SLC38A8: variants seen among roughly 807,000 people sequenced by gnomAD.
The protein encoded by SLC38A8 is amino acid transporter SLC38A8.
In SLC38A8, 65 loss-of-function variants were observed where a neutral mutation model predicts 46.0. That is an observed-to-expected ratio of 1.41 (90% CI 1.16 to 1.74). The LOEUF is 1.74. Ranked by LOEUF, SLC38A8 falls within the 40% of genes most tolerant of loss-of-function variation. The pLI is 0.00. For synonymous variants in SLC38A8, 447 were observed against 243.7 expected (o/e 1.83, Z -7.77); for missense variants, 998 against 567.9 (o/e 1.76, Z -7.70).
chr16:84,041,959 G>T lies in SLC38A8; in HGVS notation c.189+10C>A, dbSNP rs372831697. ...TACCCGTCCCCAGGACTCACTTCCCGGGGACTTACCAGCTCCACCAGGAAG... is the reference window on the plus strand; with the variant it reads ...TACCCGTCCCCAGGACTCACTTCCCTGGGACTTACCAGCTCCACCAGGAAG... On this transcript the variant is annotated intron_variant, in intron 2 of 10. Transcript: ENST00000299709. The T allele has an allele frequency of 1.3e-6, 2 of 1,572,162 alleles. No homozygotes were observed. Among genetic ancestry groups the T allele is most frequent in the African/African-American group, 2.7e-5 (2 of 73,538 alleles).
intron 3 of SLC38A8, among the ~76,000 whole-genome samples, chr16:84,033,700 C>T (rs1277307708): frequency 6.6e-6 from 1 of 152,196 alleles, no homozygotes; most frequent in African/African-American, 2.4e-5. Context: ...TCCCCAAGCC[C>T]AGCACTGCTC....
rs189913644 is a variant in SLC38A8, at chr16:84,021,334, C to T, written c.805+1441G>A. 9.2e-4 allele frequency among the ~76,000 whole-genome samples: 140 copies of T among 152,232 alleles called. 1 individual carries two copies. Among genetic ancestry groups the T allele is most frequent in the African/African-American group, 3.0e-3 (125 of 41,548 alleles). On this transcript the variant is annotated intron_variant, in intron 7 of 10. Transcript: ENST00000299709. Reference sequence around the variant, plus strand: ...CCTGCCTCGGCCTCCCAAAGTGCTGCGATGACAGGAGTGAGCCACGGCACC... The same window carrying T: ...CCTGCCTCGGCCTCCCAAAGTGCTGTGATGACAGGAGTGAGCCACGGCACC...
intron 7 of SLC38A8, among the ~76,000 whole-genome samples, chr16:84,022,089 G>C (rs567569772): frequency 6.6e-6 from 1 of 152,128 alleles, no homozygotes; most frequent in Admixed American, 6.5e-5. Flanking sequence ...ACCACATCAG[G>C]GATTAAATTT....
intron 6 of SLC38A8, among the ~76,000 whole-genome samples, chr16:84,025,822 C>G (rs1015580463): frequency 6.6e-6 from 1 of 152,262 alleles, no homozygotes; most frequent in Non-Finnish European, 1.5e-5. Flanking sequence ...CACAGCCCTT[C>G]CGCTGGCGCG....
At chr16:84,037,201 G>T (rs144173242) in intron 2 of SLC38A8, among the ~76,000 whole-genome samples, 2 of 152,348 alleles carry the variant, frequency 1.3e-5, no homozygotes, top group African/African-American at 4.8e-5. Context: ...CAGAAACCCA[G>T]TGTTTAAGTT....
At chr16:84,017,432 C>A in intron 7 of SLC38A8, 145 bp from the exon 8 acceptor site, 1 of 923,892 alleles carries the variant, frequency 1.1e-6, no homozygotes, top group Non-Finnish European at 1.6e-6. Context: ...TAGCCCAAAG[C>A]TTTCCTGTCC....
rs778211104 is a variant in SLC38A8 at position 84,031,931 on chromosome 16, C to G, written c.568G>C (p.Val190Leu). 1.2e-6 allele frequency: 2 copies of G among 1,614,188 alleles called. No homozygotes were observed. The highest frequency in any genetic ancestry group is 2.2e-5 in the South Asian group (2 of 91,084). Residue 190 changes from valine (V) to leucine (L), a missense_variant, in exon 5 of 11, where the codon GTC becomes CTC. Coordinates refer to ENST00000299709, the MANE Select transcript of SLC38A8 (RefSeq NM_001080442.3). ...GTLAACYLAL[V>L]ITVQYYLWPQ... ...CAGAGGTAGTACTGCACGGTGATGA[C>G]CAGGGCCAGGTAACAGGCAGCCAGA... is the stretch of plus-strand genomic sequence containing the variant.
At chr16:84,030,443 C>A (rs1399610020) in intron 5 of SLC38A8, among the ~76,000 whole-genome samples, 1 of 152,058 alleles carries the variant, frequency 6.6e-6, no homozygotes, top group Non-Finnish European at 1.5e-5. Context: ...CATGTCTGGG[C>A]CAACGTCAGC....
At chr16:84,034,761 G>A (rs577520349) in intron 3 of SLC38A8, among the ~76,000 whole-genome samples, 2 of 152,246 alleles carry the variant, frequency 1.3e-5, no homozygotes, top group Admixed American at 1.3e-4. Flanking sequence ...ACATGCCCCA[G>A]GACTGCACCG....
At chr16:84,017,321 G>T in intron 7 of SLC38A8, 34 bp from the exon 8 acceptor site, 1 of 1,610,844 alleles carries the variant, frequency 6.2e-7, no homozygotes, top group Non-Finnish European at 8.5e-7. Flanking sequence ...CCACAGAGTG[G>T]ATTAGGAAAA....
At chr16:84,032,087 G>C (rs925560504) in intron 4 of SLC38A8, 119 bp from the exon 5 acceptor site, 2 of 829,732 alleles carry the variant, frequency 2.4e-6, no homozygotes, top group Non-Finnish European at 2.0e-6. Context: ...TGGCCAAGCT[G>C]TCCACCTCTG....
intron 6 of SLC38A8, among the ~76,000 whole-genome samples, chr16:84,025,066 A>G (rs1227050806): frequency 6.6e-6 from 1 of 152,188 alleles, no homozygotes; most frequent in African/African-American, 2.4e-5. Flanking sequence ...TGGGTCGTGG[A>G]CATTGGTGAT....
intron 7 of SLC38A8, among the ~76,000 whole-genome samples, chr16:84,021,097 T>G (rs1455619507): frequency 6.6e-6 from 1 of 152,120 alleles, no homozygotes; most frequent in Non-Finnish European, 1.5e-5. Flanking sequence ...AGTCTCATTC[T>G]TGTTGCCCAG....
intron 10 of SLC38A8, among the ~76,000 whole-genome samples, chr16:84,010,844 G>A (rs2084943772): frequency 3.3e-5 from 5 of 152,132 alleles, no homozygotes; most frequent in African/African-American, 1.2e-4. Flanking sequence ...CCATGAAAAT[G>A]AAGGAGAAGA....
At chr16:84,025,621 T>C (rs1289918373) in intron 6 of SLC38A8, among the ~76,000 whole-genome samples, 1 of 152,076 alleles carries the variant, frequency 6.6e-6, no homozygotes. Flanking sequence ...ACCCATCCCG[T>C]GAACCCACCC....
In SLC38A8 at chr16:84,009,844, C is replaced by T; in HGVS notation, c.1248G>A (p.Val416=). 1.2e-6 allele frequency: 2 copies of T among 1,614,096 alleles called. No individual in the cohort carries two copies. Among genetic ancestry groups the T allele is most frequent in the Non-Finnish European group, 1.7e-6 (2 of 1,180,006 alleles). Residue 416 remains valine, a synonymous_variant, in exon 11 of 11, where the codon GTG becomes GTA. Coordinates refer to ENST00000299709, the MANE Select transcript of SLC38A8 (RefSeq NM_001080442.3). The part of the protein sequence containing the change: ...CCLEVWGVVS[V]LVGTFIFGQS... The stretch of plus-strand genomic sequence containing the variant: ...GCCCAAAGATGAAGGTGCCGACCAG[C>T]ACAGAGACCACTCCCCAGACCTCCA...
intron 7 of SLC38A8, among the ~76,000 whole-genome samples, chr16:84,018,935 A>T (rs2085064037): frequency 6.6e-6 from 1 of 152,130 alleles, no homozygotes; most frequent in Admixed American, 6.5e-5. Context: ...GGTCCATTGC[A>T]GCCAGAAGTC....
intron 6 of SLC38A8, 50 bp from the exon 7 acceptor site, chr16:84,022,939 G>C: frequency 7.1e-7 from 1 of 1,406,052 alleles, no homozygotes; most frequent in Non-Finnish European, 9.5e-7. Flanking sequence ...CCTGGAACAG[G>C]CGATGCGAAA....
intron 10 of SLC38A8, among the ~76,000 whole-genome samples, chr16:84,011,286 G>T (rs116017261): frequency 3.9e-4 from 59 of 152,338 alleles, no homozygotes; most frequent in African/African-American, 1.0e-3. Context: ...TGTGAGCTCA[G>T]ATCAAGGAAC....
Sources: gnomAD v4.1 joint callset for allele counts (sites outside exome capture counted in the v4.1 genomes callset) on GRCh38, gnomAD v4.1.1 for gene constraint, MANE v1.5 for transcripts, NCBI Gene and HGNC (gene_info 2026-07-23, HGNC 2026-07-21) for gene names.